Variants in DNAH11 observed in about 807,000 individuals in gnomAD.
DNAH11 encodes the protein dynein axonemal heavy chain 11.
Under a neutral mutation model 526.0 loss-of-function variants are expected in DNAH11, and 442 were observed. The ratio of observed to expected loss-of-function variants is 0.84; its 90% CI spans 0.78 to 0.91. DNAH11 has a LOEUF of 0.91. Among genes scored for constraint, DNAH11 ranks in the 40% least tolerant of loss-of-function variants. The probability of loss-of-function intolerance (pLI) is 0.00; values close to 1 mark genes in which losing one functional copy is unlikely to be tolerated. For missense variants in DNAH11, 6,989 were observed against 5,448.7 expected (o/e 1.28, Z -8.90); for synonymous variants, 2,461 against 1,935.9 (o/e 1.27, Z -7.12).
At chr7:21,849,171 C>A (rs2128021600) in intron 66 of DNAH11, among the ~76,000 whole-genome samples, 1 of 152,370 alleles carries the variant, frequency 6.6e-6, no homozygotes, top group East Asian at 1.9e-4. Context: ...GGGCATGAGC[C>A]ACCATGCCCA....
At position 21,807,994 on chromosome 7, in the gene DNAH11, G is replaced by C; in HGVS notation, c.10277G>C (p.Arg3426Thr). ...GTGTCTTACGTCGGACCCTTCACAA[G>C]GCAGTATCGCCAGGAGCTGGTGCAC... ...AFVSYVGPFTRQYRQELVHCK... is the reference protein window; with the variant it reads ...AFVSYVGPFTTQYRQELVHCK... The change falls in exon 63 of 82, where the codon AGG (arginine) becomes ACG (threonine). Residue 3426 changes from arginine to threonine, a missense_variant. Arg to Thr is a moderately conservative substitution (Grantham distance 71, BLOSUM62 -1). Coordinates refer to ENST00000409508, the MANE Select transcript of DNAH11 (RefSeq NM_001277115.2). The C allele has an allele frequency of 6.3e-7, 1 of 1,592,644 alleles. No individual in the cohort carries two copies. Among genetic ancestry groups the C allele is most frequent in the Non-Finnish European group, 8.6e-7 (1 of 1,166,166 alleles).
At position 21,558,900 on chromosome 7, in the gene DNAH11, G is replaced by A. The variant is rs762925566; in HGVS notation, c.594G>A (p.Lys198=). ...MEYHIEVMKK[K]MYIFRGKMSR... is the part of the protein sequence containing the mutation. ...ATCACATAGAAGTCATGAAAAAGAA[G>A]ATGTATATTTTTAGGGGCAAAATGT... is the stretch of plus-strand genomic sequence containing the variant. The change falls in exon 3 of 82, where the codon AAG becomes AAA. Residue 198 remains lysine, a synonymous_variant. Coordinates refer to ENST00000409508, the MANE Select transcript of DNAH11 (RefSeq NM_001277115.2). 3.1e-6 allele frequency: 5 copies of A among 1,604,780 alleles called. No individual in the cohort carries two copies. The highest frequency in any genetic ancestry group is 4.3e-6 in the Non-Finnish European group (5 of 1,175,166).
chr7:21,619,518 T>C (rs1181320703), intron 24 of DNAH11, among the ~76,000 whole-genome samples: 1 of 152,218 alleles, frequency 6.6e-6, no homozygotes, highest in South Asian at 2.1e-4. Flanking sequence ...CATTTAATCT[T>C]CTGAGGTAAG....
intron 56 of DNAH11, among the ~76,000 whole-genome samples, chr7:21,775,607 C>A (rs1787636666): frequency 3.4e-5 from 2 of 59,700 alleles, no homozygotes; most frequent in South Asian, 1.4e-3. Context: ...CAGAGTGAGA[C>A]CCTGTCTCAA....
intron 28 of DNAH11, among the ~76,000 whole-genome samples, chr7:21,648,957 G>A (rs1787497747): frequency 6.6e-6 from 1 of 152,232 alleles, no homozygotes; most frequent in East Asian, 1.9e-4. Context: ...AACATCATAA[G>A]TTAATGTGTT....
chr7:21,827,892 G>A (rs1173424502), intron 65 of DNAH11, among the ~76,000 whole-genome samples: 1 of 151,922 alleles, frequency 6.6e-6, no homozygotes, highest in Non-Finnish European at 1.5e-5. Context: ...TAAATTGAAC[G>A]CTACACTGTA....
chr7:21,620,043 G>A lies in DNAH11; in HGVS notation c.4465G>A (p.Asp1489Asn), dbSNP rs368694998. Residue 1489 changes from aspartate to asparagine, a missense_variant, in exon 25 of 82, where the codon GAT (aspartate) becomes AAT (asparagine). Coordinates refer to ENST00000409508, the MANE Select transcript of DNAH11 (RefSeq NM_001277115.2). Reference sequence around the variant, plus strand: ...AACAGGCATTCCATTACTAAAGTCTGATGAACAACTTTTTGAAACTCTAGA... The same window carrying A: ...AACAGGCATTCCATTACTAAAGTCTAATGAACAACTTTTTGAAACTCTAGA... Reference protein sequence around the residue: ...YRTGIPLLKSDEQLFETLEHN... With the variant: ...YRTGIPLLKSNEQLFETLEHN... The A allele has an allele frequency of 1.9e-6, 3 of 1,603,450 alleles. No homozygotes were observed. The highest frequency in any genetic ancestry group is 2.7e-5 in the African/African-American group (2 of 74,470).
At chr7:21,704,698 A>G in intron 38 of DNAH11, 70 bp downstream of exon 38, 1 of 1,522,510 alleles carries the variant, frequency 6.6e-7, no homozygotes. Context: ...GCTAATTGAT[A>G]CTAAAGCAAG....
At chr7:21,811,259 T>C (rs1485686386) in intron 63 of DNAH11, among the ~76,000 whole-genome samples, 1 of 151,820 alleles carries the variant, frequency 6.6e-6, no homozygotes, top group Admixed American at 6.6e-5. Flanking sequence ...GGTCAGGAGT[T>C]CAAGACCAGC....
chr7:21,583,497 C>A (rs1416967677), intron 9 of DNAH11, among the ~76,000 whole-genome samples: 1 of 152,142 alleles, frequency 6.6e-6, no homozygotes, highest in African/African-American at 2.4e-5. Flanking sequence ...AAATCCCAGG[C>A]AATACCATTC....
rs1426751156 is a variant in DNAH11 at position 21,690,888 on chromosome 7, G to A, written c.6041+7G>A. The A allele has an allele frequency of 1.2e-6, 2 of 1,601,746 alleles. No homozygotes were observed. Among genetic ancestry groups the A allele is most frequent in the Middle Eastern group, 3.3e-4 (2 of 6,050 alleles). ...ATCTCAAAGCTCTTTTCAGGCAAGT[G>A]TTATGCTTTGTGGCTTAGCATCTGG... On this transcript the variant is annotated splice_region_variant and intron_variant, in intron 35 of 81. Coordinates refer to ENST00000409508, the MANE Select transcript of DNAH11 (RefSeq NM_001277115.2).
In DNAH11 at chr7:21,901,024, C is replaced by T. The variant is rs1261703349; in HGVS notation, c.13321C>T (p.Gln4441Ter). ...LFMEGARWDT[Q>*]AGTIVEARLK... ...TGCCATAGGCGCCCGCTGGGACACCCAAGCAGGAACCATTGTTGAAGCCCG... is the reference window on the plus strand; with the variant it reads ...TGCCATAGGCGCCCGCTGGGACACCTAAGCAGGAACCATTGTTGAAGCCCG... The change falls in exon 82 of 82, where the codon CAA becomes TAA. Residue 4441 changes from glutamine to a stop codon, truncating the protein, a stop_gained. Transcript: ENST00000409508. LOFTEE classifies it high-confidence loss of function. 6.2e-7 allele frequency: 1 copy of T among 1,606,284 alleles called. No homozygotes were observed. Among genetic ancestry groups the T allele is most frequent in the Non-Finnish European group, 8.5e-7 (1 of 1,176,092 alleles).
intron 18 of DNAH11, among the ~76,000 whole-genome samples, chr7:21,603,372 T>C (rs1278762040): frequency 6.6e-6 from 1 of 152,236 alleles, no homozygotes; most frequent in African/African-American, 2.4e-5. Flanking sequence ...CTATGAACAC[T>C]GGTGTGTATT....
chr7:21,670,269 T>A (rs964880540), intron 30 of DNAH11, among the ~76,000 whole-genome samples: 1 of 152,034 alleles, frequency 6.6e-6, no homozygotes. Flanking sequence ...GATTTATTTT[T>A]AGATGGTTGA....
At chr7:21,693,632 C>A (rs1681576993) in intron 35 of DNAH11, among the ~76,000 whole-genome samples, 1 of 152,026 alleles carries the variant, frequency 6.6e-6, no homozygotes, top group African/African-American at 2.4e-5. Context: ...GAATTTAATT[C>A]CTTTAATAGA....
intron 20 of DNAH11, among the ~76,000 whole-genome samples, chr7:21,609,541 G>C (rs1377712312): frequency 6.6e-6 from 1 of 150,516 alleles, no homozygotes; most frequent in Admixed American, 6.6e-5. Context: ...TATATTTCTA[G>C]GAATAATGGA....
intron 61 of DNAH11, among the ~76,000 whole-genome samples, chr7:21,799,451 C>T (rs1788869826): frequency 3.3e-5 from 5 of 152,150 alleles, no homozygotes; most frequent in Admixed American, 3.3e-4. Context: ...AATTCTCCTG[C>T]CTCAGCCTCC....
intron 20 of DNAH11, among the ~76,000 whole-genome samples, chr7:21,613,331 G>C (rs1165700701): frequency 6.6e-6 from 1 of 151,580 alleles, no homozygotes; most frequent in Non-Finnish European, 1.5e-5. Context: ...GGTAGGTTTT[G>C]TGGTTAAATA....
Position 21,801,203 on chromosome 7 carries a change from T to C in DNAH11, c.10093T>C (p.Cys3365Arg). The C allele has an allele frequency of 1.2e-6, 2 of 1,613,036 alleles. No homozygotes were observed. The highest frequency in any genetic ancestry group is 2.2e-5 in the South Asian group (2 of 90,926). ...FEKATAEKVR[C>R]QEEVNQTNKT... ...AAAAGCAACAGCTGAGAAAGTCCGG[T>C]GTCAAGAAGAGGTGAACCAAACCAA... Residue 3365 changes from cysteine to arginine, a missense_variant, in exon 62 of 82, where the codon TGT becomes CGT. Cys to Arg is a radical substitution (Grantham distance 180, BLOSUM62 -3). Coordinates refer to ENST00000409508, the MANE Select transcript of DNAH11 (RefSeq NM_001277115.2).
Sources: allele counts gnomAD v4.1 joint callset (sites outside exome capture counted in the v4.1 genomes callset), GRCh38; gene constraint gnomAD v4.1.1; transcripts MANE v1.5; gene names NCBI Gene and HGNC (gene_info 2026-07-23, HGNC 2026-07-21).